DHX57: variants seen among roughly 807,000 people sequenced by gnomAD.
DHX57 encodes the protein putative ATP-dependent RNA helicase DHX57.
A neutral mutation model predicts 156.2 loss-of-function variants in DHX57; 105 were observed. That is an observed-to-expected ratio of 0.67 (90% CI 0.57 to 0.79). The LOEUF (loss-of-function observed/expected upper bound fraction) is 0.79, where lower values mean the gene tolerates loss of function less well. Ranked by LOEUF, DHX57 falls within the 30% of genes least tolerant of loss-of-function variation. DHX57 has a pLI of 0.00. For synonymous variants in DHX57, 704 were observed against 595.6 expected (o/e 1.18, Z -2.65); for missense variants, 1,847 against 1,661.9 (o/e 1.11, Z -1.94).
At chr2:38,827,894 T>C (rs540687815) in intron 14 of DHX57, among the ~76,000 whole-genome samples, 2 of 152,272 alleles carry the variant, frequency 1.3e-5, no homozygotes, top group African/African-American at 4.8e-5. Context: ...TTCACTCTTG[T>C]TGCCCGGGCT....
intron 16 of DHX57, among the ~76,000 whole-genome samples, chr2:38,825,413 C>A (rs774983677): frequency 6.6e-6 from 1 of 152,202 alleles, no homozygotes; most frequent in African/African-American, 2.4e-5. Context: ...AGAGATTCTC[C>A]TTCCTCAGCC....
At chr2:38,841,040 C>G (rs1671965312) in intron 12 of DHX57, among the ~76,000 whole-genome samples, 1 of 152,204 alleles carries the variant, frequency 6.6e-6, no homozygotes, top group Non-Finnish European at 1.5e-5. Context: ...CCAGGCTGGT[C>G]TTGAACTCCT....
chr2:38,853,956 C>T, intron 9 of DHX57, 98 bp downstream of exon 9: 2 of 1,229,230 alleles, frequency 1.6e-6, no homozygotes, highest in Non-Finnish European at 2.2e-6. Context: ...ATTACCATTA[C>T]TAGCTGCATG....
At chr2:38,826,788 GTA>G in intron 14 of DHX57, 99 bp from the exon 15 acceptor site, 1 of 1,318,350 alleles carries the variant, frequency 7.6e-7, no homozygotes, top group African/African-American at 1.5e-5. Flanking sequence ...ATGACTTCAG[GTA>G]TTAGCAACTT....
intron 13 of DHX57, among the ~76,000 whole-genome samples, chr2:38,834,519 A>C (rs936244864): frequency 3.9e-5 from 6 of 152,166 alleles, no homozygotes; most frequent in Non-Finnish European, 8.8e-5. Context: ...ATCATCTCCA[A>C]GTAAGTCATT....
In DHX57 at chr2:38,798,287, T is replaced by TAAGA. The variant is rs1252990284; in HGVS notation, c.*8_*11dup. 1 of 1,610,610 alleles carries TAAGA rather than the reference T, an allele frequency of 6.2e-7. No individual in the cohort carries two copies. Among genetic ancestry groups the TAAGA allele is most frequent in the African/African-American group, 1.3e-5 (1 of 74,800 alleles). ...AAGCAGGTGAGTAGCAAGCACTCTCTAAGACTGCTTTTTATTGTGTGGTGA... is the reference window on the plus strand; with the variant it reads ...AAGCAGGTGAGTAGCAAGCACTCTCTAAGAAAGACTGCTTTTTATTGTGTGGTGA... On this transcript the variant is annotated 3_prime_UTR_variant, in exon 24 of 24. Transcript: ENST00000457308.
chr2:38,828,075 C>T (rs1356879994), intron 14 of DHX57, among the ~76,000 whole-genome samples: 1 of 152,156 alleles, frequency 6.6e-6, no homozygotes, highest in Non-Finnish European at 1.5e-5. Flanking sequence ...AGGCTGGTCT[C>T]CAACTCCTGA....
chr2:38,838,634 A>G (rs1303458094), intron 12 of DHX57: 1 of 308,770 alleles, frequency 3.2e-6, no homozygotes, highest in Admixed American at 4.4e-5. Context: ...CGAATCATGA[A>G]TGAGATATGC....
chr2:38,812,776 G>A (rs1047232976), intron 21 of DHX57, among the ~76,000 whole-genome samples: 8 of 152,070 alleles, frequency 5.3e-5, no homozygotes, highest in South Asian at 4.2e-4. Flanking sequence ...CAGGCGATCC[G>A]CCCGCCTCGG....
At chr2:38,799,443 A>AG (rs1339519920) in intron 23 of DHX57, among the ~76,000 whole-genome samples, 5 of 149,788 alleles carry the variant, frequency 3.3e-5, no homozygotes, top group Non-Finnish European at 7.4e-5. Context: ...GTCTCAAAAA[A>AG]AAAAAAAAAA....
chr2:38,863,686 C>G (rs3100000), intron 2 of DHX57, among the ~76,000 whole-genome samples, 167 bp from the exon 3 acceptor site: 44,532 of 152,050 alleles, frequency 0.29, 7,007 homozygotes, highest in Admixed American at 0.35. Context: ...ATTTACCAGA[C>G]TTCATTATAT....
intron 19 of DHX57, chr2:38,816,032 G>A (rs370190154): frequency 9.3e-6 from 4 of 430,482 alleles, no homozygotes; most frequent in South Asian, 1.8e-5. Context: ...CAAGTGCTGC[G>A]GCACTGTCTA....
chr2:38,815,501 A>C lies in DHX57; in HGVS notation c.3606+20T>G. 1 of 1,613,734 alleles carries C rather than the reference A, an allele frequency of 6.2e-7. No homozygotes were observed. The highest frequency in any genetic ancestry group is 8.5e-7 in the Non-Finnish European group (1 of 1,179,806). On this transcript the variant is annotated intron_variant, in intron 20 of 23. Transcript: ENST00000457308. ...AGGTGCTAATTAAAGAGAAATGAGA[A>C]CCAACTCCACATTCTTTACCTCTTC...
intron 3 of DHX57, 60 bp from the exon 4 acceptor site, chr2:38,862,393 T>C (rs982607328): frequency 3.8e-5 from 54 of 1,411,972 alleles, no homozygotes; most frequent in Middle Eastern, 4.1e-4. Flanking sequence ...CAAAGAAAAA[T>C]TTAGCAAAGG....
chr2:38,816,673 A>G (rs1358509302), intron 19 of DHX57, among the ~76,000 whole-genome samples: 3 of 152,198 alleles, frequency 2.0e-5, no homozygotes, highest in Non-Finnish European at 4.4e-5. Flanking sequence ...GCTAAGCAAC[A>G]CTACCCTGTC....
chr2:38,849,929 CTTTAT>C (rs1427927590), intron 9 of DHX57, among the ~76,000 whole-genome samples: 1 of 152,194 alleles, frequency 6.6e-6, no homozygotes, highest in Middle Eastern at 3.4e-3. Context: ...CTTTTTTCTG[CTTTAT>C]TTTTTCTTCT....
At chr2:38,844,136 G>A (rs993383006) in intron 11 of DHX57, among the ~76,000 whole-genome samples, 17 of 152,030 alleles carry the variant, frequency 1.1e-4, no homozygotes, top group African/African-American at 2.4e-4. Flanking sequence ...CACATTCACC[G>A]TTTGTTTGTT....
chr2:38,841,049 C>T (rs1023873503), intron 12 of DHX57, among the ~76,000 whole-genome samples: 7 of 152,320 alleles, frequency 4.6e-5, no homozygotes, highest in Middle Eastern at 3.4e-3. Flanking sequence ...TCTTGAACTC[C>T]TGGGCTCATG....
At chr2:38,831,665 G>A (rs1239619421) in intron 13 of DHX57, among the ~76,000 whole-genome samples, 1 of 151,614 alleles carries the variant, frequency 6.6e-6, no homozygotes, top group Non-Finnish European at 1.5e-5. Context: ...GACCAGCCTG[G>A]TCAACATAGT....
Sources: gnomAD v4.1 joint callset for allele counts (sites outside exome capture counted in the v4.1 genomes callset) on GRCh38, gnomAD v4.1.1 for gene constraint, MANE v1.5 for transcripts, NCBI Gene and HGNC (gene_info 2026-07-23, HGNC 2026-07-21) for gene names.